Variants in RIC3 observed in about 807,000 individuals in gnomAD.
RIC3 encodes the protein protein RIC-3.
RIC3 carries 28 observed loss-of-function variants against 27.3 expected under a neutral mutation model. The ratio of observed to expected loss-of-function variants is 1.02; its 90% CI spans 0.76 to 1.41. The LOEUF (loss-of-function observed/expected upper bound fraction) is 1.41. Among genes scored for constraint, RIC3 ranks in the 40% most tolerant of loss-of-function variants. The pLI is 0.00. For synonymous variants in RIC3, 184 were observed against 160.4 expected, an observed-to-expected ratio of 1.15 and a Z score of -1.11; for missense variants, 501 against 444.7, an observed-to-expected ratio of 1.13 and a Z score of -1.14.
chr11:8,134,231 T>A (rs1948091383), intron 4 of RIC3, among the ~76,000 whole-genome samples: 1 of 152,140 alleles, frequency 6.6e-6, no homozygotes, highest in South Asian at 2.1e-4. Context: ...CACCTATGAG[T>A]GAGAACATGC....
At chr11:8,101,130 A>G (rs1944280863), downstream of RIC3, 4 of 1,123,242 alleles carry the variant, frequency 3.6e-6, no homozygotes, top group South Asian at 1.6e-5. Context: ...GGTTAGATGT[A>G]TGGAACTTTC....
chr11:8,099,932 G>A, the RIC3 span, among the ~76,000 whole-genome samples: 1 of 152,228 alleles, frequency 6.6e-6, no homozygotes. Context: ...GGGGCCACGT[G>A]CAGGTGAAGT....
Position 8,149,795 on chromosome 11 carries a change from C to T in RIC3, c.125-9602G>A, listed in dbSNP as rs77532760. ...ATTATACCCCTTCCCTCGCAAACCA[C>T]GATTAGCCTTTCTTCTCTAACTACC... On this transcript the variant is annotated intron_variant, in intron 1 of 5. Coordinates refer to ENST00000309737, the MANE Select transcript of RIC3 (RefSeq NM_001206671.4). Among the ~76,000 whole-genome samples the T allele has an allele frequency of 3.0e-3, 458 of 152,276 alleles. 3 individuals carry two copies. Among genetic ancestry groups the T allele is most frequent in the South Asian group, 5.2e-3 (25 of 4,820 alleles).
chr11:8,153,915 C>T (rs67381251), intron 1 of RIC3, among the ~76,000 whole-genome samples: 13,082 of 152,168 alleles, frequency 0.086, 649 homozygotes, highest in Admixed American at 0.13. Context: ...ACACTTAAGA[C>T]GGTAGGCAAC....
intron 5 of RIC3, among the ~76,000 whole-genome samples, chr11:8,114,991 A>G (rs975518151): frequency 6.6e-6 from 1 of 152,164 alleles, no homozygotes; most frequent in Non-Finnish European, 1.5e-5. Flanking sequence ...ACTGGAGTTC[A>G]AGAAGGAGGA....
At chr11:8,114,289 C>T (rs1187157775) in intron 5 of RIC3, among the ~76,000 whole-genome samples, 1 of 152,066 alleles carries the variant, frequency 6.6e-6, no homozygotes, top group Non-Finnish European at 1.5e-5. Context: ...CAAAATAAAG[C>T]ACCAGGAACA....
intron 5 of RIC3, among the ~76,000 whole-genome samples, chr11:8,112,353 G>A (rs949370613): frequency 3.3e-5 from 5 of 151,250 alleles, no homozygotes; most frequent in African/African-American, 4.9e-5. Flanking sequence ...GAGTGCAGTG[G>A]TGCAATCTCG....
At chr11:8,127,074 A>T (rs1031934522) in intron 4 of RIC3, among the ~76,000 whole-genome samples, 1 of 152,142 alleles carries the variant, frequency 6.6e-6, no homozygotes, top group Non-Finnish European at 1.5e-5. Flanking sequence ...CTAGGACCAG[A>T]CCCCAGATGT....
At chr11:8,144,580 T>C (rs1320509707) in intron 1 of RIC3, among the ~76,000 whole-genome samples, 1 of 151,442 alleles carries the variant, frequency 6.6e-6, no homozygotes, top group East Asian at 1.9e-4. Flanking sequence ...ACACTGTTGG[T>C]GGGACTGTAA....
downstream of RIC3, chr11:8,101,508 T>C: frequency 3.7e-6 from 6 of 1,614,246 alleles, no homozygotes; most frequent in Non-Finnish European, 5.1e-6. Flanking sequence ...TGATGCAGTT[T>C]GGCCGGGTAG....
chr11:8,130,185 T>C (rs1947517122), intron 4 of RIC3, among the ~76,000 whole-genome samples: 1 of 152,204 alleles, frequency 6.6e-6, no homozygotes, highest in Admixed American at 6.5e-5. Context: ...TACCTCTCCT[T>C]CAAGGGTGGC....
At position 8,110,901 on chromosome 11, in the gene RIC3, A is replaced by G. The variant is rs368357944; in HGVS notation, c.907T>C (p.Cys303Arg). 107 of 1,614,074 alleles carry G rather than the reference A, an allele frequency of 6.6e-5. No individual in the cohort carries two copies. The highest frequency in any genetic ancestry group is 2.5e-4 in the African/African-American group (19 of 74,916). The change falls in exon 6 of 6, where the codon TGT becomes CGT. Residue 303 changes from cysteine (C) to arginine (R), a missense_variant. Transcript: ENST00000309737. ...TCGTCTTCATGAAAACAGCAGGAAC[A>G]TGTTTCTGGCTTTGGATCACACGAG... Reference protein sequence around the residue: ...VTSCDPKPETCSCCFHEDEDP... With the variant: ...VTSCDPKPETRSCCFHEDEDP...
In RIC3 at chr11:8,110,464, G is replaced by A. The variant is rs1450715844; in HGVS notation, c.*234C>T. ...TAATGGATCAACTTCTCTGATAGAG[G>A]AAAGGCAGGAAGAGAAAGAGCGAAG... On this transcript the variant is annotated 3_prime_UTR_variant, in exon 6 of 6. Transcript: ENST00000309737. 1.7e-6 allele frequency: 1 copy of A among 600,596 alleles called. No individual in the cohort carries two copies. The highest frequency in any genetic ancestry group is 1.9e-5 in the South Asian group (1 of 52,124). The allele number at this position is 600,596 out of a possible 1,614,324, so 37.2% of individuals were successfully genotyped here. A position where few individuals can be genotyped will look rare whatever the true frequency, so the allele number is the denominator to read the frequency against.
rs1466485094 is a variant in RIC3 at position 8,138,317 on chromosome 11, C to A, written c.382G>T (p.Gly128Trp). The A allele has an allele frequency of 1.2e-6, 2 of 1,613,518 alleles. No individual in the cohort carries two copies. Among genetic ancestry groups the A allele is most frequent in the Non-Finnish European group, 1.7e-6 (2 of 1,179,624 alleles). ...LSKGKTTAEDGKCYTAMPGNT... is the reference protein window; with the variant it reads ...LSKGKTTAEDWKCYTAMPGNT... ...CCAGGCATGGCAGTATAGCATTTCCCATCCTCTGCAGTTGTTTTCCCCTTT... is the reference window on the plus strand; with the variant it reads ...CCAGGCATGGCAGTATAGCATTTCCAATCCTCTGCAGTTGTTTTCCCCTTT... Residue 128 changes from glycine to tryptophan, a missense_variant, in exon 3 of 6, where the codon GGG (glycine) becomes TGG (tryptophan). By Grantham distance (184) the Gly-to-Trp change is radical (BLOSUM62 -2). Transcript: ENST00000309737.
chr11:8,093,270 G>A, the RIC3 span, among the ~76,000 whole-genome samples: 1 of 152,088 alleles, frequency 6.6e-6, no homozygotes, highest in Non-Finnish European at 1.5e-5. Context: ...GGCAGTGCAG[G>A]CAGCAGGAGC....
At position 8,151,565 on chromosome 11, in the gene RIC3, G is replaced by A. The variant is rs193132227; in HGVS notation, c.125-11372C>T. 7.7e-3 allele frequency among the ~76,000 whole-genome samples: 805 copies of A among 105,036 alleles called. 21 individuals carry two copies. The highest frequency in any genetic ancestry group is 0.066 in the Admixed American group (638 of 9,716). 68.9% of individuals were successfully genotyped at this position (105,036 alleles called of 152,430 possible). On this transcript the variant is annotated intron_variant, in intron 1 of 5. Transcript: ENST00000309737. ...CGCGCCACTGCACTCCAGCCTGGGC[G>A]ACAGAGTGAAACTCCGTCTCAAAAA... is the stretch of plus-strand genomic sequence containing the variant.
At chr11:8,095,628 C>T in the RIC3 span, 1 of 1,609,490 alleles carries the variant, frequency 6.2e-7, no homozygotes, top group African/African-American at 1.3e-5. Flanking sequence ...GCGAACGGCC[C>T]AGCGGGCAGG....
At chr11:8,126,507 T>C in intron 5 of RIC3, 152 bp downstream of exon 5, 2 of 869,692 alleles carry the variant, frequency 2.3e-6, no homozygotes, top group Non-Finnish European at 3.5e-6. Flanking sequence ...AAACTCTATA[T>C]ATTTGTCAAA....
downstream of RIC3, chr11:8,101,698 CCT>C: frequency 1.3e-6 from 2 of 1,562,082 alleles, no homozygotes; most frequent in Non-Finnish European, 1.7e-6. Context: ...CCCTGCCTAT[CCT>C]CTGTATATAG....
Sources: allele counts gnomAD v4.1 joint callset (sites outside exome capture counted in the v4.1 genomes callset), GRCh38; gene constraint gnomAD v4.1.1; transcripts MANE v1.5; gene names NCBI Gene and HGNC (gene_info 2026-07-23, HGNC 2026-07-21).